The following DSCAML1 variants were observed in gnomAD, a reference collection of about 807,000 sequenced individuals.
DSCAML1 encodes DS cell adhesion molecule like 1, also known as cell adhesion molecule DSCAML1.
Under a neutral mutation model 200.5 loss-of-function variants are expected in DSCAML1, and 38 were observed. That is an observed-to-expected ratio of 0.19 (90% CI 0.15 to 0.25). The LOEUF (loss-of-function observed/expected upper bound fraction) is 0.25. Among genes scored for constraint, DSCAML1 ranks in the 10% least tolerant of loss-of-function variants. The pLI, the probability that DSCAML1 is intolerant of heterozygous loss-of-function variation, is 1.00. For missense variants in DSCAML1, 2,223 were observed against 2,858.8 expected, an observed-to-expected ratio of 0.78 and a Z score of 5.07; for synonymous variants, 1,215 against 1,165.0, an observed-to-expected ratio of 1.04 and a Z score of -0.87.
intron 3 of DSCAML1, among the ~76,000 whole-genome samples, chr11:117,677,017 T>TG (rs67659093): frequency 0.046 from 6,938 of 152,286 alleles, 238 homozygotes; most frequent in Non-Finnish European, 0.059. Flanking sequence ...GTGATGGACT[T>TG]GGCTCAATCA....
chr11:117,781,952 C>G (rs530033176), intron 1 of DSCAML1, among the ~76,000 whole-genome samples: 52 of 152,334 alleles, frequency 3.4e-4, no homozygotes, highest in African/African-American at 1.3e-3. Flanking sequence ...GGGTGTCCCC[C>G]TTCCTCTTGA....
At chr11:117,694,168 T>C (rs1171249236) in intron 3 of DSCAML1, among the ~76,000 whole-genome samples, 1 of 151,244 alleles carries the variant, frequency 6.6e-6, no homozygotes, top group Non-Finnish European at 1.5e-5. Flanking sequence ...TTTGAGAGGC[T>C]GAGGTGGATG....
intron 13 of DSCAML1, 107 bp downstream of exon 13, chr11:117,481,067 C>T: frequency 9.2e-7 from 1 of 1,085,692 alleles, no homozygotes; most frequent in East Asian, 2.4e-5. Flanking sequence ...TTCCTGTCAT[C>T]CTCCACCATG....
intron 3 of DSCAML1, among the ~76,000 whole-genome samples, chr11:117,754,768 G>A (rs546036010): frequency 2.5e-4 from 38 of 152,242 alleles, no homozygotes; most frequent in African/African-American, 7.0e-4. Context: ...CTTCAGTGCC[G>A]TGCTGCCTCT....
intron 3 of DSCAML1, among the ~76,000 whole-genome samples, chr11:117,547,440 C>T (rs1273554832): frequency 4.6e-5 from 7 of 152,138 alleles, no homozygotes; most frequent in African/African-American, 7.2e-5. Context: ...GCTTCTAAGG[C>T]GCGGCCCCAC....
rs559184518 is a variant in DSCAML1, at chr11:117,428,838, T to C, written c.5687-35A>G. 4 of 1,534,282 alleles carry C rather than the reference T, an allele frequency of 2.6e-6. No individual in the cohort carries two copies. The South Asian group carries it at 3.6e-5, about 14-fold the overall frequency. ...CAGAGGCAGAGGATGTTACAGAGAGTCATAGCCCTCTGGAAGCAGCTCGTT... is the reference window on the plus strand; with the variant it reads ...CAGAGGCAGAGGATGTTACAGAGAGCCATAGCCCTCTGGAAGCAGCTCGTT... On this transcript the variant is annotated intron_variant, in intron 32 of 32. Transcript: ENST00000651296.
chr11:117,569,539 G>A (rs183383346), intron 3 of DSCAML1, among the ~76,000 whole-genome samples: 502 of 152,180 alleles, frequency 3.3e-3, no homozygotes, highest in Middle Eastern at 0.01. Flanking sequence ...AAGTGCTGGG[G>A]TTAGAGGCAT....
intron 1 of DSCAML1, among the ~76,000 whole-genome samples, chr11:117,803,821 C>T (rs184272992): frequency 2.0e-4 from 31 of 152,354 alleles, no homozygotes; most frequent in Admixed American, 1.8e-3. Flanking sequence ...AAAGTCAAGG[C>T]CCAGGCCCAT....
intron 21 of DSCAML1, among the ~76,000 whole-genome samples, chr11:117,443,221 G>A (rs1200752305): frequency 6.6e-6 from 1 of 152,200 alleles, no homozygotes; most frequent in African/African-American, 2.4e-5. Context: ...AGAGGCAGAC[G>A]CTCAGCCTTG....
chr11:117,588,182 G>A (rs1169661969), intron 3 of DSCAML1, among the ~76,000 whole-genome samples: 1 of 152,122 alleles, frequency 6.6e-6, no homozygotes, highest in Non-Finnish European at 1.5e-5. Flanking sequence ...AGAGGACAGA[G>A]CCTGAAGGAG....
chr11:117,707,735 A>C (rs1169357901), intron 3 of DSCAML1, among the ~76,000 whole-genome samples: 1 of 151,858 alleles, frequency 6.6e-6, no homozygotes, highest in Non-Finnish European at 1.5e-5. Flanking sequence ...GGGTTTCACC[A>C]TGTTGACCAG....
In DSCAML1 at chr11:117,461,574, G is replaced by T; in HGVS notation, c.3288C>A (p.Asn1096Lys). 1 of 1,613,630 alleles carries T rather than the reference G, an allele frequency of 6.2e-7. No individual in the cohort carries two copies. The highest frequency in any genetic ancestry group is 8.5e-7 in the Non-Finnish European group (1 of 1,180,030). ...LEDVPSQPPENVRALSITSDV... is the reference protein window; with the variant it reads ...LEDVPSQPPEKVRALSITSDV... ...CAGAAGTGATGGACAGGGCCCGGACGTTCTCAGGGGGCTGGCTGGGCACTG... is the reference window on the plus strand; with the variant it reads ...CAGAAGTGATGGACAGGGCCCGGACTTTCTCAGGGGGCTGGCTGGGCACTG... Residue 1096 changes from asparagine (N) to lysine (K), a missense_variant, in exon 18 of 33, where the codon AAC (asparagine) becomes AAA (lysine). Coordinates refer to ENST00000651296, the MANE Select transcript of DSCAML1 (RefSeq NM_020693.4).
chr11:117,450,597 C>T lies in DSCAML1; in HGVS notation c.3660G>A (p.Val1220=). The change falls in exon 20 of 33, where the codon GTG becomes GTA. Residue 1220 remains valine (V), a synonymous_variant. Transcript: ENST00000651296. ...SWLPPTKPNG[V]IRKYTIFCSS... is the part of the protein sequence containing the mutation. ...AACAGAAGATGGTGTACTTGCGGAT[C>T]ACCCCGTTGGGCTTGGTAGGGGGGA... 6.2e-7 allele frequency: 1 copy of T among 1,614,238 alleles called. No homozygotes were observed. The highest frequency in any genetic ancestry group is 8.5e-7 in the Non-Finnish European group (1 of 1,180,048).
chr11:117,688,725 A>G (rs1369470092), intron 3 of DSCAML1, among the ~76,000 whole-genome samples: 1 of 152,232 alleles, frequency 6.6e-6, no homozygotes, highest in Non-Finnish European at 1.5e-5. Flanking sequence ...GTGGGAAGAT[A>G]CTTCGAAGAG....
intron 27 of DSCAML1, among the ~76,000 whole-genome samples, chr11:117,435,442 G>T (rs934898543): frequency 6.6e-6 from 1 of 152,254 alleles, no homozygotes; most frequent in Non-Finnish European, 1.5e-5. Flanking sequence ...CAGGCACAAA[G>T]TCTTGGGGGC....
chr11:117,474,969 A>G (rs190166208), intron 14 of DSCAML1, among the ~76,000 whole-genome samples: 176 of 151,944 alleles, frequency 1.2e-3, no homozygotes, highest in Admixed American at 2.8e-3. Context: ...GTTAGCCAGG[A>G]TGGTCTCGAT....
intron 1 of DSCAML1, among the ~76,000 whole-genome samples, chr11:117,784,304 C>T (rs1043407842): frequency 6.6e-6 from 1 of 152,154 alleles, no homozygotes. Context: ...CATATTTTAC[C>T]ATCACAAGGC....
intron 3 of DSCAML1, among the ~76,000 whole-genome samples, chr11:117,648,278 G>C (rs138282417): frequency 5.1e-4 from 77 of 152,332 alleles, no homozygotes; most frequent in African/African-American, 1.8e-3. Context: ...GAAGGGGTGA[G>C]GGTGGTGTCC....
At chr11:117,687,424 C>CTTTTTT (rs1440234665) in intron 3 of DSCAML1, among the ~76,000 whole-genome samples, 1 of 51,818 alleles carries the variant, frequency 1.9e-5, no homozygotes. Flanking sequence ...CCATGCCTGG[C>CTTTTTT]TATTTTTTTT....
Sources: gnomAD v4.1 joint callset for allele counts (sites outside exome capture counted in the v4.1 genomes callset) on GRCh38, gnomAD v4.1.1 for gene constraint, MANE v1.5 for transcripts, NCBI Gene and HGNC (gene_info 2026-07-23, HGNC 2026-07-21) for gene names.